The following SPTLC2 variants were observed in gnomAD, a reference collection of about 807,000 sequenced individuals.
SPTLC2 encodes the protein serine palmitoyltransferase 2.
A neutral mutation model predicts 62.0 loss-of-function variants in SPTLC2; 21 were observed. That is an observed-to-expected ratio of 0.34 (90% CI 0.24 to 0.49). The LOEUF is 0.49. Among genes scored for constraint, SPTLC2 ranks in the 20% least tolerant of loss-of-function variants. The pLI, the probability that SPTLC2 is intolerant of heterozygous loss-of-function variation, is 0.99. For synonymous variants in SPTLC2, 261 were observed against 261.8 expected (o/e 1.00, Z 0.03); for missense variants, 511 against 713.0 (o/e 0.72, Z 3.23).
chr14:77,551,701 A>G (rs2079556540), intron 9 of SPTLC2, among the ~76,000 whole-genome samples: 3 of 152,230 alleles, frequency 2.0e-5, no homozygotes, highest in South Asian at 4.1e-4. Context: ...AACTCTTTAA[A>G]AAGGCATTAA....
At chr14:77,573,179 G>A (rs1284296195) in intron 4 of SPTLC2, among the ~76,000 whole-genome samples, 1 of 152,142 alleles carries the variant, frequency 6.6e-6, no homozygotes, top group Non-Finnish European at 1.5e-5. Context: ...GATGTGTGTT[G>A]AGATGAGGTA....
chr14:77,531,617 G>A (rs549692071), intron 9 of SPTLC2, among the ~76,000 whole-genome samples: 106 of 151,756 alleles, frequency 7.0e-4, no homozygotes, highest in African/African-American at 2.4e-3. Context: ...AGGTTTAAAC[G>A]ATTCTCCTCC....
intron 1 of SPTLC2, among the ~76,000 whole-genome samples, chr14:77,611,751 G>A (rs1412562606): frequency 2.6e-5 from 4 of 151,836 alleles, no homozygotes; most frequent in Admixed American, 6.6e-5. Flanking sequence ...GCTTGAACCC[G>A]GGAGGTGGAG....
intron 6 of SPTLC2, among the ~76,000 whole-genome samples, chr14:77,560,475 C>A (rs994730858): frequency 1.3e-5 from 2 of 151,800 alleles, no homozygotes; most frequent in African/African-American, 4.8e-5. Context: ...CTTGGCCGGG[C>A]GTGGTGGAAC....
intron 2 of SPTLC2, among the ~76,000 whole-genome samples, chr14:77,579,371 G>A (rs776683970): frequency 5.9e-5 from 9 of 152,070 alleles, no homozygotes; most frequent in Non-Finnish European, 1.2e-4. Flanking sequence ...TCATTCCACT[G>A]AGTTACTTTA....
rs7155278 is a variant in SPTLC2, at chr14:77,616,622, G to A, written c.-43C>T. ...GCGCAAGGCAGGCTCTGTAGGCGGT[G>A]GCAGCGGCGGCGGCTGCTCCAAGTC... On this transcript the variant is annotated 5_prime_UTR_variant, in exon 1 of 12. Transcript: ENST00000216484. 6,884 of 1,523,404 alleles carry A rather than the reference G, an allele frequency of 4.5e-3. 283 individuals are homozygous for A. In the African/African-American group the frequency reaches 0.084, roughly 19 times the overall value. 94.4% of individuals were successfully genotyped at this position (1,523,404 alleles called of 1,614,324 possible).
intron 9 of SPTLC2, among the ~76,000 whole-genome samples, chr14:77,549,767 AT>A (rs1485214147): frequency 6.6e-6 from 1 of 152,204 alleles, no homozygotes; most frequent in African/African-American, 2.4e-5. Flanking sequence ...TCCAAAGCCT[AT>A]ATATAATTAC....
intron 4 of SPTLC2, among the ~76,000 whole-genome samples, chr14:77,574,017 C>T (rs756799953): frequency 6.6e-6 from 1 of 152,168 alleles, no homozygotes; most frequent in Non-Finnish European, 1.5e-5. Context: ...GGATTGCTGT[C>T]GACACCAGAA....
chr14:77,555,619 T>G lies in SPTLC2; in HGVS notation c.957-100A>C, dbSNP rs574789482. 2.1e-5 allele frequency: 25 copies of G among 1,179,062 alleles called. No homozygotes were observed. In the Admixed American group the frequency reaches 2.3e-4, roughly 11 times the overall value. The allele number at this position is 1,179,062 out of a possible 1,614,324, so 73.0% of individuals were successfully genotyped here. ...CTTCATTATTATTGAGTTTACTGCT[T>G]CTTTTTTTTTTCTTGGGACAGAGTT... is the stretch of plus-strand genomic sequence containing the variant. On this transcript the variant is annotated intron_variant, in intron 7 of 11. Coordinates refer to ENST00000216484, the MANE Select transcript of SPTLC2 (RefSeq NM_004863.4).
At chr14:77,543,373 C>G (rs2079511762) in intron 9 of SPTLC2, among the ~76,000 whole-genome samples, 1 of 151,728 alleles carries the variant, frequency 6.6e-6, no homozygotes, top group African/African-American at 2.4e-5. Context: ...ACAGGCTACT[C>G]TGAGACAAAG....
At chr14:77,542,488 T>C (rs2079506727) in intron 9 of SPTLC2, among the ~76,000 whole-genome samples, 1 of 152,126 alleles carries the variant, frequency 6.6e-6, no homozygotes, top group South Asian at 2.1e-4. Context: ...ATAAGGGACT[T>C]CCAGGAAGCA....
At chr14:77,613,665 T>C (rs997359254) in intron 1 of SPTLC2, among the ~76,000 whole-genome samples, 3 of 152,282 alleles carry the variant, frequency 2.0e-5, no homozygotes, top group South Asian at 2.1e-4. Flanking sequence ...TTAAAAGACA[T>C]GGTGGGAGAT....
At chr14:77,537,973 T>G (rs1218437615) in intron 9 of SPTLC2, among the ~76,000 whole-genome samples, 6 of 152,214 alleles carry the variant, frequency 3.9e-5, no homozygotes, top group Admixed American at 3.9e-4. Context: ...AAAAATGAAA[T>G]GAACGACTAT....
rs117995943 is a variant in SPTLC2, at chr14:77,558,913, G to T, written c.851-1767C>A. 3.2e-4 allele frequency among the ~76,000 whole-genome samples: 49 copies of T among 152,282 alleles called. No individual in the cohort carries two copies. The East Asian group carries it at 9.2e-3, about 29-fold the overall frequency. On this transcript the variant is annotated intron_variant, in intron 6 of 11. Coordinates refer to ENST00000216484, the MANE Select transcript of SPTLC2 (RefSeq NM_004863.4). The stretch of plus-strand genomic sequence containing the variant: ...CTGCAAAGCCTCCAGTTCTTAGGCA[G>T]AGAGCAATGTATGGCGATCAGCTGA...
chr14:77,538,020 A>C (rs912497668), intron 9 of SPTLC2, among the ~76,000 whole-genome samples: 1 of 152,152 alleles, frequency 6.6e-6, no homozygotes, highest in Non-Finnish European at 1.5e-5. Context: ...TCCATTTTCT[A>C]TTTCCTGTGC....
At chr14:77,590,745 T>C (rs1209611601) in intron 2 of SPTLC2, among the ~76,000 whole-genome samples, 2 of 151,830 alleles carry the variant, frequency 1.3e-5, no homozygotes, top group South Asian at 2.1e-4. Context: ...TAAAAATAAA[T>C]AAAGTATGTT....
At chr14:77,580,239 G>A (rs1426807675) in intron 2 of SPTLC2, among the ~76,000 whole-genome samples, 5 of 151,592 alleles carry the variant, frequency 3.3e-5, no homozygotes, top group Admixed American at 6.6e-5. Flanking sequence ...TTGGGAGGCC[G>A]AGGTGGGTGG....
Position 77,520,851 on chromosome 14 carries a change from G to T in SPTLC2, c.1439+595C>A, listed in dbSNP as rs539935863. On this transcript the variant is annotated intron_variant, in intron 10 of 11. Coordinates refer to ENST00000216484, the MANE Select transcript of SPTLC2 (RefSeq NM_004863.4). ...GGCCCACTGCTCGCCCTGGGGCACG[G>T]TGCTCCAATTCCAGGGACCTCTTTG... Among the ~76,000 whole-genome samples the T allele has an allele frequency of 1.6e-4, 24 of 152,284 alleles. No homozygotes were observed. The South Asian group carries it at 4.8e-3, about 30-fold the overall frequency.
intron 6 of SPTLC2, among the ~76,000 whole-genome samples, chr14:77,561,631 T>G (rs1392230101): frequency 6.8e-6 from 1 of 147,482 alleles, no homozygotes; most frequent in Middle Eastern, 3.3e-3. Flanking sequence ...AAAAAGAAAA[T>G]AACAGGTTAC....
Sources: allele counts gnomAD v4.1 joint callset (sites outside exome capture counted in the v4.1 genomes callset), GRCh38; gene constraint gnomAD v4.1.1; transcripts MANE v1.5; gene names NCBI Gene and HGNC (gene_info 2026-07-23, HGNC 2026-07-21).